The following ST6GALNAC1 variants were observed in gnomAD, a reference collection of about 807,000 sequenced individuals.
The protein encoded by ST6GALNAC1 is alpha-N-acetylgalactosaminide alpha-2,6-sialyltransferase 1.
In ST6GALNAC1, 45 loss-of-function variants were observed where a neutral mutation model predicts 56.8. That is an observed-to-expected ratio of 0.79 (90% CI 0.62 to 1.02). The LOEUF (loss-of-function observed/expected upper bound fraction) is 1.02. Ranked by LOEUF, ST6GALNAC1 falls within the 50% of genes least tolerant of loss-of-function variation. The pLI, the probability that ST6GALNAC1 is intolerant of heterozygous loss-of-function variation, is 0.00. For synonymous variants in ST6GALNAC1, 295 were observed against 297.8 expected, an observed-to-expected ratio of 0.99 and a Z score of 0.10; for missense variants, 743 against 754.8, an observed-to-expected ratio of 0.98 and a Z score of 0.18.
At chr17:76,642,738 C>T (rs2076064294) in intron 1 of ST6GALNAC1, among the ~76,000 whole-genome samples, 1 of 152,056 alleles carries the variant, frequency 6.6e-6, no homozygotes, top group African/African-American at 2.4e-5. Flanking sequence ...CAAGACCAGC[C>T]TGGCCAACAT....
At chr17:76,637,351 T>TA (rs201789498) in intron 1 of ST6GALNAC1, 2,542 of 123,324 alleles carry the variant, frequency 0.021, 77 homozygotes, top group African/African-American at 0.068. Flanking sequence ...AGATGTGAAT[T>TA]AAAAAAAAAA....
chr17:76,634,798 C>T (rs1296098650), intron 1 of ST6GALNAC1, among the ~76,000 whole-genome samples: 5 of 152,096 alleles, frequency 3.3e-5, no homozygotes, highest in Admixed American at 6.5e-5. Context: ...GCAGGAGAAT[C>T]GCTTGAACTC....
At chr17:76,622,605 G>C (rs905634540), downstream of ST6GALNAC1, among the ~76,000 whole-genome samples, 1 of 151,708 alleles carries the variant, frequency 6.6e-6, no homozygotes. Context: ...CCTCATGATC[G>C]GCCCACCTTG....
At chr17:76,637,105 T>G (rs8072546) in intron 1 of ST6GALNAC1, among the ~76,000 whole-genome samples, 4,740 of 151,526 alleles carry the variant, frequency 0.031, 253 homozygotes, top group African/African-American at 0.11. Context: ...CTCCCTAATC[T>G]CAAGTTCCCA....
intron 1 of ST6GALNAC1, among the ~76,000 whole-genome samples, chr17:76,634,599 C>A (rs1024297193): frequency 4.1e-5 from 5 of 122,822 alleles, no homozygotes; most frequent in African/African-American, 1.5e-4. Flanking sequence ...GTTGGCCAGG[C>A]GTGGTGCCTC....
chr17:76,628,941 G>A (rs2075850180), intron 2 of ST6GALNAC1, 71 bp downstream of exon 2: 1 of 1,372,300 alleles, frequency 7.3e-7, no homozygotes, highest in Non-Finnish European at 1.0e-6. Flanking sequence ...AGGAGAGGGT[G>A]GGCTGGGCTT....
intron 6 of ST6GALNAC1, 46 bp downstream of exon 6, chr17:76,626,243 C>T (rs556203846): frequency 4.4e-6 from 7 of 1,593,748 alleles, no homozygotes; most frequent in South Asian, 1.1e-5. Flanking sequence ...CCACTCATGA[C>T]ATGGCTCAGC....
intron 1 of ST6GALNAC1, chr17:76,642,031 CTATATATACAA>C (rs2076055090): frequency 6.7e-6 from 1 of 150,054 alleles, no homozygotes; most frequent in Non-Finnish European, 1.5e-5. Context: ...ATATCTATAT[CTATATATACAA>C]TATATCTATA....
At chr17:76,637,272 T>TAAAAAAAAAA (rs771644279) in intron 1 of ST6GALNAC1, among the ~76,000 whole-genome samples, 3 of 18,186 alleles carry the variant, frequency 1.6e-4, no homozygotes, top group African/African-American at 2.3e-4. Flanking sequence ...CAATAAATAC[T>TAAAAAAAAAA]AAAAAAAAAA....
chr17:76,634,674 A>G (rs989344355), intron 1 of ST6GALNAC1, among the ~76,000 whole-genome samples: 2 of 151,498 alleles, frequency 1.3e-5, no homozygotes, highest in African/African-American at 2.4e-5. Flanking sequence ...ACCTGAGGTC[A>G]GGAGTTCGAG....
Position 76,625,408 on chromosome 17 carries a change from G to C in ST6GALNAC1, c.1725C>G (p.Val575=), listed in dbSNP as rs369261157. The C allele has an allele frequency of 1.9e-6, 3 of 1,614,042 alleles. No homozygotes were observed. The African/African-American group carries it at 4.0e-5, about 22-fold the overall frequency. ...INHDFKLERE[V]WKRLHDEGII... ...TCCCTTCATCGTGTAGCCGCTTCCA[G>C]ACTTCTCTCTCCAGCTTGAAGTCAT... is the stretch of plus-strand genomic sequence containing the variant. Residue 575 remains valine (V), a synonymous_variant, in exon 9 of 9, where the codon GTC becomes GTG. Coordinates refer to ENST00000156626, the MANE Select transcript of ST6GALNAC1 (RefSeq NM_018414.5).
chr17:76,636,062 C>T (rs778718051), intron 1 of ST6GALNAC1, among the ~76,000 whole-genome samples: 33 of 152,074 alleles, frequency 2.2e-4, no homozygotes, highest in Non-Finnish European at 3.5e-4. Context: ...GTGCTTATTA[C>T]GGAAAAAGCA....
intron 6 of ST6GALNAC1, 77 bp downstream of exon 6, chr17:76,626,212 C>CA: frequency 1.3e-6 from 2 of 1,565,224 alleles, no homozygotes; most frequent in Non-Finnish European, 1.8e-6. Context: ...AGGCTGTCCC[C>CA]ACCTGTCCAA....
intron 1 of ST6GALNAC1, among the ~76,000 whole-genome samples, chr17:76,640,374 G>A (rs1020391975): frequency 3.9e-5 from 6 of 152,102 alleles, no homozygotes; most frequent in African/African-American, 1.2e-4. Flanking sequence ...ACCAGGCATC[G>A]CTCTACTTAA....
chr17:76,640,429 C>A (rs2076035536), intron 1 of ST6GALNAC1, among the ~76,000 whole-genome samples: 1 of 152,170 alleles, frequency 6.6e-6, no homozygotes, highest in Non-Finnish European at 1.5e-5. Flanking sequence ...GCTGGGAAGG[C>A]CAGGCCCGGT....
intron 1 of ST6GALNAC1, among the ~76,000 whole-genome samples, chr17:76,636,746 G>A (rs1290370303): frequency 2.6e-5 from 4 of 152,104 alleles, no homozygotes; most frequent in East Asian, 1.9e-4. Flanking sequence ...CCCTCTGCCC[G>A]GCCGCCACCC....
rs1239581037 is a variant in ST6GALNAC1, at chr17:76,634,103, C to A, written c.132-4392G>T. Among the ~76,000 whole-genome samples the A allele has an allele frequency of 3.3e-5, 5 of 152,328 alleles. No individual in the cohort carries two copies. The East Asian group carries it at 7.7e-4, about 24-fold the overall frequency. On this transcript the variant is annotated intron_variant, in intron 1 of 8. Transcript: ENST00000156626. ...TTCGCTAAATAATTTTGCACCTGGG[C>A]TCCCGCCTTCTATGGCATGGAGAGC...
chr17:76,629,864 C>T (rs1023287710), intron 1 of ST6GALNAC1, among the ~76,000 whole-genome samples, 153 bp from the exon 2 acceptor site: 3 of 149,314 alleles, frequency 2.0e-5, no homozygotes, highest in African/African-American at 4.9e-5. Context: ...CTCACTGCAA[C>T]CTCCATCTCC....
intron 1 of ST6GALNAC1, chr17:76,637,567 CAG>C: frequency 5.0e-6 from 2 of 396,772 alleles, no homozygotes; most frequent in Non-Finnish European, 8.9e-6. Context: ...TTCAAAAAAA[CAG>C]AACAAAAAAA....
Sources: allele counts gnomAD v4.1 joint callset (sites outside exome capture counted in the v4.1 genomes callset), GRCh38; gene constraint gnomAD v4.1.1; transcripts MANE v1.5; gene names NCBI Gene and HGNC (gene_info 2026-07-23, HGNC 2026-07-21).